SUCLG1: variants seen among roughly 807,000 people sequenced by gnomAD.
The protein encoded by SUCLG1 is succinate-CoA ligase GDP/ADP-forming subunit alpha.
Under a neutral mutation model 37.3 loss-of-function variants are expected in SUCLG1, and 26 were observed. That is an observed-to-expected ratio of 0.70 (90% CI 0.51 to 0.97). SUCLG1 has a LOEUF of 0.97. Among genes scored for constraint, SUCLG1 ranks in the 50% least tolerant of loss-of-function variants. The probability of loss-of-function intolerance (pLI) is 0.00; values close to 1 mark genes in which losing one functional copy is unlikely to be tolerated. For synonymous variants in SUCLG1, 163 were observed against 155.6 expected (o/e 1.05, Z -0.36); for missense variants, 433 against 432.9 (o/e 1.00, Z 0.00).
In SUCLG1 at chr2:84,441,352, A is replaced by G. The variant is rs1227415710; in HGVS notation, c.426T>C (p.Cys142=). The G allele has an allele frequency of 1.9e-6, 3 of 1,614,162 alleles. No homozygotes were observed. ...AIEAEIPLVV[C]ITEGIPQQDM... ...CCTGCTGGGGAATTCCTTCAGTGAT[A>G]CACACAACCAAGGGAATTTCTGCCT... Residue 142 remains cysteine, a synonymous_variant, in exon 4 of 9, where the codon TGT becomes TGC. Coordinates refer to ENST00000393868, the MANE Select transcript of SUCLG1 (RefSeq NM_003849.4).
intron 7 of SUCLG1, chr2:84,426,597 G>A (rs1441656677): frequency 6.6e-6 from 1 of 152,078 alleles, no homozygotes; most frequent in African/African-American, 2.4e-5. Context: ...AACCCGGGAG[G>A]CGGAGGTTGC....
rs762680540 is a variant in SUCLG1 at position 84,431,590 on chromosome 2, G to C, written c.743C>G (p.Ala248Gly). The C allele has an allele frequency of 1.9e-6, 3 of 1,613,868 alleles. No homozygotes were observed. The African/African-American group carries it at 4.0e-5, about 22-fold the overall frequency. Reference sequence around the variant, plus strand: ...ACCAATCAATATGATGCCTTCTGTGGCAGAATCGTTCAAAAAGATTTCGAG... The same window carrying C: ...ACCAATCAATATGATGCCTTCTGTGCCAGAATCGTTCAAAAAGATTTCGAG... Reference protein sequence around the residue: ...DCLEIFLNDSATEGIILIGEI... With the variant: ...DCLEIFLNDSGTEGIILIGEI... Residue 248 changes from alanine to glycine, a missense_variant, in exon 7 of 9, where the codon GCC (alanine) becomes GGC (glycine). Ala to Gly is a moderately conservative substitution (Grantham distance 60). Coordinates refer to ENST00000393868, the MANE Select transcript of SUCLG1 (RefSeq NM_003849.4).
At chr2:84,453,975 C>T (rs1022647504) in intron 1 of SUCLG1, among the ~76,000 whole-genome samples, 1 of 152,192 alleles carries the variant, frequency 6.6e-6, no homozygotes. Context: ...ACCTTTTGAT[C>T]TCCCTTAGCC....
rs549987155 is a variant in SUCLG1, at chr2:84,431,603, A to G, written c.730T>C (p.Leu244=). 4 of 1,614,058 alleles carry G rather than the reference A, an allele frequency of 2.5e-6. No individual in the cohort carries two copies. The highest frequency in any genetic ancestry group is 1.3e-5 in the African/African-American group (1 of 75,050). ...ATGCCTTCTGTGGCAGAATCGTTCA[A>G]AAAGATTTCGAGGCAGTCAATAAAA... The part of the protein sequence containing the change: ...TDFIDCLEIF[L]NDSATEGIIL... The change falls in exon 7 of 9, where the codon TTG becomes CTG. Residue 244 remains leucine, a synonymous_variant. Coordinates refer to ENST00000393868, the MANE Select transcript of SUCLG1 (RefSeq NM_003849.4).
chr2:84,425,937 C>T (rs778648585), intron 7 of SUCLG1: 105 of 358,396 alleles, frequency 2.9e-4, no homozygotes, highest in Middle Eastern at 9.2e-4. Context: ...TAATTTAAGA[C>T]ACAAGACTGG....
intron 7 of SUCLG1, among the ~76,000 whole-genome samples, chr2:84,428,528 T>G (rs375086835): frequency 5.1e-4 from 77 of 152,310 alleles, no homozygotes; most frequent in African/African-American, 1.8e-3. Flanking sequence ...TGGCATTAAT[T>G]TGTATTTGAT....
At position 84,425,529 on chromosome 2, in the gene SUCLG1, G is replaced by A. The variant is rs113840224; in HGVS notation, c.900C>T (p.Ala300=). 3,720 of 1,614,192 alleles carry A rather than the reference G, an allele frequency of 2.3e-3. 8 individuals carry two copies. Among genetic ancestry groups the A allele is most frequent in the Non-Finnish European group, 2.8e-3 (3,316 of 1,180,038 alleles). ...CTTTTCCTCCAGCAATAATTGCCCC[G>A]GCATGACCCATTCTTCTCCCAGGAG... ...TAPPGRRMGH[A]GAIIAGGKGG... Residue 300 remains alanine, a synonymous_variant, in exon 8 of 9, where the codon GCC becomes GCT. Transcript: ENST00000393868.
intron 2 of SUCLG1, among the ~76,000 whole-genome samples, chr2:84,447,993 A>G (rs12714128): frequency 0.89 from 134,655 of 151,968 alleles, 60,099 homozygotes; most frequent in Non-Finnish European, 0.93. Context: ...TGGCTCCCTA[A>G]AGTGCTAGGA....
intron 6 of SUCLG1, 92 bp downstream of exon 6, chr2:84,433,260 C>A (rs745839756): frequency 7.2e-6 from 8 of 1,105,222 alleles, no homozygotes; most frequent in Non-Finnish European, 6.8e-6. Context: ...GTATCAAAAT[C>A]TTTTGCAAAT....
chr2:84,451,293 C>G (rs538520437), intron 1 of SUCLG1, among the ~76,000 whole-genome samples: 1 of 152,330 alleles, frequency 6.6e-6, no homozygotes, highest in East Asian at 1.9e-4. Flanking sequence ...CATATCATAT[C>G]ATATCATACC....
chr2:84,437,271 T>C (rs1214772356), intron 5 of SUCLG1, among the ~76,000 whole-genome samples: 1 of 152,210 alleles, frequency 6.6e-6, no homozygotes, highest in Admixed American at 6.5e-5. Context: ...AAAAGTAAAC[T>C]GGATATCCAG....
intron 3 of SUCLG1, among the ~76,000 whole-genome samples, chr2:84,442,195 C>T (rs999285984): frequency 6.8e-6 from 1 of 146,518 alleles, no homozygotes; most frequent in Admixed American, 6.8e-5. Context: ...AAAAGAGGCT[C>T]ATGACAAAAG....
chr2:84,450,256 GT>G (rs1672919886), intron 1 of SUCLG1, among the ~76,000 whole-genome samples: 1 of 151,898 alleles, frequency 6.6e-6, no homozygotes. Context: ...TCATTCTCTA[GT>G]AAGAACAACA....
chr2:84,431,050 C>G (rs896780886), intron 7 of SUCLG1, among the ~76,000 whole-genome samples: 1 of 152,130 alleles, frequency 6.6e-6, no homozygotes, highest in African/African-American at 2.4e-5. Flanking sequence ...AAGGGAAGTG[C>G]CATTCCACAA....
intron 3 of SUCLG1, 90 bp downstream of exon 3, chr2:84,443,194 C>T: frequency 8.5e-7 from 1 of 1,179,866 alleles, no homozygotes; most frequent in South Asian, 1.2e-5. Context: ...AGTGACTCTA[C>T]CAAAAAAACA....
Position 84,428,038 on chromosome 2 carries a change from T to C in SUCLG1, c.826-2435A>G, listed in dbSNP as rs561080869. 1.2e-4 allele frequency among the ~76,000 whole-genome samples: 19 copies of C among 152,296 alleles called. No individual in the cohort carries two copies. The South Asian group carries it at 3.7e-3, about 30-fold the overall frequency. On this transcript the variant is annotated intron_variant, in intron 7 of 8. Coordinates refer to ENST00000393868, the MANE Select transcript of SUCLG1 (RefSeq NM_003849.4). ...TGCAAGGAGCTACATGGTCAGACACTGCTTACTCCTGCCTCATCTGCCACC... is the reference window on the plus strand; with the variant it reads ...TGCAAGGAGCTACATGGTCAGACACCGCTTACTCCTGCCTCATCTGCCACC...
Position 84,423,625 on chromosome 2 carries a change from T to C in SUCLG1, c.*121A>G, listed in dbSNP as rs931485685. On this transcript the variant is annotated 3_prime_UTR_variant, in exon 9 of 9. Coordinates refer to ENST00000393868, the MANE Select transcript of SUCLG1 (RefSeq NM_003849.4). ...CTTCCACCTTGTTTTGGCTTCCAGT[T>C]GTACTGCAAGACCAGTGTCAGGCAC... 3.0e-6 allele frequency: 3 copies of C among 996,048 alleles called. No individual in the cohort carries two copies. The allele number at this position is 996,048 out of a possible 1,614,324, so 61.7% of individuals were successfully genotyped here. A position where few individuals can be genotyped will look rare whatever the true frequency, so the allele number is the denominator to read the frequency against.
At chr2:84,457,881 C>T (rs73942668) in intron 1 of SUCLG1, among the ~76,000 whole-genome samples, 1,678 of 152,126 alleles carry the variant, frequency 0.011, 27 homozygotes, top group African/African-American at 0.039. Context: ...ACCAAACAAA[C>T]CATTTCATAC....
intron 1 of SUCLG1, among the ~76,000 whole-genome samples, chr2:84,456,873 A>G (rs1673028934): frequency 6.6e-6 from 1 of 152,236 alleles, no homozygotes; most frequent in African/African-American, 2.4e-5. Flanking sequence ...CATCTTGGCC[A>G]GGCTGGTCTT....
Sources: gnomAD v4.1 joint callset for allele counts (sites outside exome capture counted in the v4.1 genomes callset) on GRCh38, gnomAD v4.1.1 for gene constraint, MANE v1.5 for transcripts, NCBI Gene and HGNC (gene_info 2026-07-23, HGNC 2026-07-21) for gene names.